The following PIGU variants were observed in gnomAD, a reference collection of about 807,000 sequenced individuals.
PIGU encodes GPI-anchor transamidase component PIGU.
A neutral mutation model predicts 49.9 loss-of-function variants in PIGU; 24 were observed. That is an observed-to-expected ratio of 0.48 (90% confidence interval 0.35 to 0.68). PIGU has a LOEUF of 0.68. PIGU is among the 30% of genes least tolerant of loss of function. The pLI, the probability that PIGU is intolerant of heterozygous loss-of-function variation, is 0.01. For missense variants in PIGU, 490 were observed against 532.6 expected, an observed-to-expected ratio of 0.92 and a Z score of 0.79; for synonymous variants, 220 against 205.7, an observed-to-expected ratio of 1.07 and a Z score of -0.59.
Position 34,677,033 on chromosome 20 carries a change from G to A in PIGU, c.53C>T (p.Ala18Val). The change falls in exon 1 of 12, where the codon GCC (alanine) becomes GTC (valine). Residue 18 changes from alanine (A) to valine (V), a missense_variant. Ala to Val is a moderately conservative substitution (Grantham distance 64). Transcript: ENST00000217446. The part of the protein sequence containing the change: ...VLVVAVTVRA[A>V]LFRSSLAEFI... Reference sequence around the variant, plus strand: ...CTCGGCCAGACTGGAGCGGAACAAGGCCGCCCGCACTGTCACAGCCACCAC... The same window carrying A: ...CTCGGCCAGACTGGAGCGGAACAAGACCGCCCGCACTGTCACAGCCACCAC... The A allele has an allele frequency of 6.3e-7, 1 of 1,580,110 alleles. No homozygotes were observed. The highest frequency in any genetic ancestry group is 1.8e-5 in the Admixed American group (1 of 54,194).
intron 7 of PIGU, among the ~76,000 whole-genome samples, chr20:34,604,573 C>T (rs979714221): frequency 6.6e-6 from 1 of 152,178 alleles, no homozygotes; most frequent in African/African-American, 2.4e-5. Flanking sequence ...ACAAAGCTAA[C>T]AGCACTGCTA....
At position 34,645,340 on chromosome 20, in the gene PIGU, GA is replaced by G. The variant is rs749182405; in HGVS notation, c.196-7del. The G allele has an allele frequency of 1.3e-5, 20 of 1,553,928 alleles. 1 individual carries two copies. The South Asian group carries it at 2.0e-4, about 15-fold the overall frequency. On this transcript the variant is annotated splice_region_variant and splice_polypyrimidine_tract_variant and intron_variant, in intron 2 of 11. Transcript: ENST00000217446. ...AGGTATATTATTAATGGAGTCTGCA[GA>G]AAAAAAACAGACATGTAAAAAAAAT...
rs148127838 is a variant in PIGU at position 34,607,041 on chromosome 20, G to A, written c.627+9001C>T. 3.9e-5 allele frequency among the ~76,000 whole-genome samples: 6 copies of A among 152,350 alleles called. No individual in the cohort carries two copies. The East Asian group carries it at 1.2e-3, about 29-fold the overall frequency. ...CCCAAAGTGTTGGGATTACAGGCGTGAGCCACCATGCCCGGCCATAAATAT... is the reference window on the plus strand; with the variant it reads ...CCCAAAGTGTTGGGATTACAGGCGTAAGCCACCATGCCCGGCCATAAATAT... On this transcript the variant is annotated intron_variant, in intron 7 of 11. Transcript: ENST00000217446.
At chr20:34,635,692 A>G (rs1332140724) in intron 5 of PIGU, among the ~76,000 whole-genome samples, 1 of 151,646 alleles carries the variant, frequency 6.6e-6, no homozygotes, top group Non-Finnish European at 1.5e-5. Flanking sequence ...CCTGACCAAC[A>G]TGGAGAAACC....
intron 11 of PIGU, among the ~76,000 whole-genome samples, chr20:34,566,617 AC>A (rs969484749): frequency 2.6e-5 from 4 of 152,184 alleles, no homozygotes; most frequent in African/African-American, 9.7e-5. Context: ...TAACAAAAAA[AC>A]AATATTGTCC....
At chr20:34,571,122 T>C (rs939811650) in intron 11 of PIGU, among the ~76,000 whole-genome samples, 1 of 152,204 alleles carries the variant, frequency 6.6e-6, no homozygotes, top group African/African-American at 2.4e-5. Context: ...CTTGAGGAAG[T>C]GGGGGAGGCC....
At chr20:34,625,965 T>C (rs1985472686) in intron 6 of PIGU, among the ~76,000 whole-genome samples, 1 of 148,344 alleles carries the variant, frequency 6.7e-6, no homozygotes, top group African/African-American at 2.5e-5. Context: ...ATAATATATA[T>C]ATATATATAC....
At chr20:34,567,118 T>TG (rs1238601976) in intron 11 of PIGU, among the ~76,000 whole-genome samples, 1 of 152,196 alleles carries the variant, frequency 6.6e-6, no homozygotes, top group Non-Finnish European at 1.5e-5. Flanking sequence ...CAGCCCACGC[T>TG]GGGGGGAATG....
intron 7 of PIGU, among the ~76,000 whole-genome samples, chr20:34,600,926 C>A (rs942424086): frequency 6.6e-6 from 1 of 151,680 alleles, no homozygotes; most frequent in Non-Finnish European, 1.5e-5. Context: ...CCCAGCTATT[C>A]GGGAGGCTAA....
chr20:34,571,602 C>T (rs1420606562), intron 11 of PIGU, among the ~76,000 whole-genome samples: 1 of 152,102 alleles, frequency 6.6e-6, no homozygotes, highest in African/African-American at 2.4e-5. Flanking sequence ...GGATATGGAA[C>T]TGAGAACATG....
At position 34,585,542 on chromosome 20, in the gene PIGU, A is replaced by T. The variant is rs1471885311; in HGVS notation, c.821T>A (p.Phe274Tyr). The T allele has an allele frequency of 6.2e-7, 1 of 1,613,848 alleles. No individual in the cohort carries two copies. Residue 274 changes from phenylalanine to tyrosine, a missense_variant, in exon 9 of 12, where the codon TTC becomes TAC. By Grantham distance (22) the Phe-to-Tyr change is conservative. Transcript: ENST00000217446. ...AAACATCTCTGCAAAGAAGTACCAG[A>T]AAAGACCAATGTTTGGAGTGAGATC... ...VPDLTPNIGL[F>Y]WYFFAEMFEH...
Position 34,649,691 on chromosome 20 carries a change from C to T in PIGU, c.196-4357G>A, listed in dbSNP as rs150326875. ...CTGGGATTACAGGCGTATGCCACCA[C>T]GCCTGCCTAATTTTTATATTTTTAG... On this transcript the variant is annotated intron_variant, in intron 2 of 11. Transcript: ENST00000217446. Among the ~76,000 whole-genome samples the T allele has an allele frequency of 2.8e-3, 417 of 151,252 alleles. 1 individual carries two copies. The highest frequency in any genetic ancestry group is 9.6e-3 in the African/African-American group (396 of 41,218).
Position 34,570,960 on chromosome 20 carries a change from G to A in PIGU, c.1194+4144C>T, listed in dbSNP as rs183314875. Among the ~76,000 whole-genome samples the A allele has an allele frequency of 2.0e-3, 311 of 152,294 alleles. 1 individual carries two copies. Among genetic ancestry groups the A allele is most frequent in the Non-Finnish European group, 2.1e-3 (141 of 68,020 alleles). ...GGAATCTGCTCTGGGTATTTGAAGA[G>A]CATGTTGCTCTTGCTGTTTCCCATG... is the stretch of plus-strand genomic sequence containing the variant. On this transcript the variant is annotated intron_variant, in intron 11 of 11. Coordinates refer to ENST00000217446, the MANE Select transcript of PIGU (RefSeq NM_080476.5).
rs375347418 is a variant in PIGU, at chr20:34,653,944, G to A, written c.195+3236C>T. Among the ~76,000 whole-genome samples, 422 of 151,570 alleles carry A rather than the reference G, an allele frequency of 2.8e-3. 4 individuals are homozygous for A. Among genetic ancestry groups the A allele is most frequent in the South Asian group, 0.027 (128 of 4,786 alleles). On this transcript the variant is annotated intron_variant, in intron 2 of 11. Coordinates refer to ENST00000217446, the MANE Select transcript of PIGU (RefSeq NM_080476.5). ...ACCATCTCGGCTCACTGCAAGCTCC[G>A]CCTCCCGTGTTCACGCCATTCTCCT...
chr20:34,599,679 G>A (rs528028622), intron 7 of PIGU, among the ~76,000 whole-genome samples: 1 of 152,286 alleles, frequency 6.6e-6, no homozygotes, highest in East Asian at 1.9e-4. Context: ...GATGGTCTAT[G>A]AAGAAGTATT....
rs548379794 is a variant in PIGU, at chr20:34,560,939, C to T, written c.1235G>A (p.Arg412Gln). The T allele has an allele frequency of 2.2e-5, 35 of 1,613,092 alleles. No homozygotes were observed. The highest frequency in any genetic ancestry group is 8.9e-5 in the East Asian group (4 of 44,820). Reference protein sequence around the residue: ...ISDYFYAFLRREYYLTHGLYL... With the variant: ...ISDYFYAFLRQEYYLTHGLYL... ...GAGGCCATGTGTGAGGTAGTACTCC[C>T]GCCGCAGGAAGGCATAGAAGTAATC... Residue 412 changes from arginine to glutamine, a missense_variant, in exon 12 of 12, where the codon CGG becomes CAG. Arg to Gln is a conservative substitution (Grantham distance 43, BLOSUM62 1). Transcript: ENST00000217446.
At chr20:34,592,644 G>T (rs1161899090) in intron 7 of PIGU, among the ~76,000 whole-genome samples, 1 of 152,074 alleles carries the variant, frequency 6.6e-6, no homozygotes, top group African/African-American at 2.4e-5. Context: ...GGAGATCAAA[G>T]GACATGACAA....
In PIGU at chr20:34,575,249, G is replaced by C. The variant is rs1407999259; in HGVS notation, c.1052-3C>G. ...GAGGACAAAGATGTTTCTCAGGACT[G>C]CAAAGACAGAGGGTTACAGTTAGCC... On this transcript the variant is annotated splice_polypyrimidine_tract_variant and splice_region_variant and intron_variant, in intron 10 of 11. Transcript: ENST00000217446. The C allele has an allele frequency of 6.2e-7, 1 of 1,613,740 alleles. No individual in the cohort carries two copies. Among genetic ancestry groups the C allele is most frequent in the Non-Finnish European group, 8.5e-7 (1 of 1,179,778 alleles).
At chr20:34,598,246 G>C (rs1307005569) in intron 7 of PIGU, among the ~76,000 whole-genome samples, 1 of 152,130 alleles carries the variant, frequency 6.6e-6, no homozygotes, top group African/African-American at 2.4e-5. Context: ...GGGCATTCAA[G>C]ACAGATGGGA....
Sources: gnomAD v4.1 joint callset for allele counts (sites outside exome capture counted in the v4.1 genomes callset) on GRCh38, gnomAD v4.1.1 for gene constraint, MANE v1.5 for transcripts, NCBI Gene and HGNC (gene_info 2026-07-23, HGNC 2026-07-21) for gene names.